POLD1: variants seen among roughly 807,000 people sequenced by gnomAD.
POLD1 encodes DNA polymerase delta 1, catalytic subunit.
A neutral mutation model predicts 129.7 loss-of-function variants in POLD1; 79 were observed. That is an observed-to-expected ratio of 0.61 (90% CI 0.51 to 0.73). The LOEUF (loss-of-function observed/expected upper bound fraction) is 0.73. Among genes scored for constraint, POLD1 ranks in the 30% least tolerant of loss-of-function variants. The pLI is 0.00. For missense variants in POLD1, 1,338 were observed against 1,595.8 expected, an observed-to-expected ratio of 0.84 and a Z score of 2.75; for synonymous variants, 714 against 683.3, an observed-to-expected ratio of 1.04 and a Z score of -0.70.
chr19:50,410,510 T>G (rs1163761923), intron 17 of POLD1, among the ~76,000 whole-genome samples: 1 of 152,052 alleles, frequency 6.6e-6, no homozygotes, highest in Non-Finnish European at 1.5e-5. Context: ...ACCACTTAGG[T>G]TCAGTGATTC....
In POLD1 at chr19:50,402,460, G is replaced by T. The variant is rs1477983424; in HGVS notation, c.765G>T (p.Met255Ile). ...EANVDFEIRFMVDTDIVGCNW... is the reference protein window; with the variant it reads ...EANVDFEIRFIVDTDIVGCNW... ...GACCCCCAGCCCCCTCCAGGTTCAT[G>T]GTGGACACGGACATCGTCGGCTGCA... is the stretch of plus-strand genomic sequence containing the variant. The change falls in exon 7 of 27, where the codon ATG becomes ATT. Residue 255 changes from methionine to isoleucine, a missense_variant. Physicochemically the swap from Met to Ile is conservative, Grantham distance 10. Transcript: ENST00000440232. 1.9e-6 allele frequency: 3 copies of T among 1,612,788 alleles called. No homozygotes were observed. The African/African-American group carries it at 4.0e-5, about 22-fold the overall frequency.
chr19:50,417,199 C>T lies in POLD1; in HGVS notation c.3148C>T (p.Arg1050Cys), dbSNP rs780749621. The change falls in exon 26 of 27, where the codon CGC becomes TGC. Residue 1050 changes from arginine to cysteine, a missense_variant. Physicochemically the swap from Arg to Cys is radical, Grantham distance 180. Around this residue, in one of 3 missense-constraint regions of POLD1, gnomAD observed 286 missense variants for 277.5 expected, o/e 1.03. Coordinates refer to ENST00000440232, the MANE Select transcript of POLD1 (RefSeq NM_002691.4). ...ATCCCATCTGAATGCCCTGGAGGAG[C>T]GCTTCTCGCGCCTCTGGACGCAGTG... ...EVSHLNALEE[R>C]FSRLWTQCQR... The T allele has an allele frequency of 5.6e-6, 9 of 1,606,422 alleles. No homozygotes were observed. The highest frequency in any genetic ancestry group is 1.7e-4 in the Middle Eastern group (1 of 6,022).
intron 19 of POLD1, 63 bp downstream of exon 19, chr19:50,413,942 G>A (rs1014029024): frequency 5.4e-6 from 8 of 1,469,452 alleles, no homozygotes; most frequent in Middle Eastern, 1.9e-4. Flanking sequence ...AGGGTGTCCC[G>A]TTCTTTGGGT....
rs532523142 is a variant in POLD1 at position 50,401,854 on chromosome 19, C to G, written c.393C>G (p.Thr131=). The G allele has an allele frequency of 6.2e-7, 1 of 1,613,968 alleles. No individual in the cohort carries two copies. Among genetic ancestry groups the G allele is most frequent in the Non-Finnish European group, 8.5e-7 (1 of 1,179,938 alleles). Residue 131 remains threonine, a synonymous_variant, in exon 4 of 27, where the codon ACC becomes ACG. Transcript: ENST00000440232. ...SVPVLRAFGV[T]DEGFSVCCHI... The stretch of plus-strand genomic sequence containing the variant: ...CTGTGCTCCGCGCCTTCGGGGTCAC[C>G]GATGAGGGGTTCTCTGTCTGCTGCC...
rs937864303 is a variant in POLD1 at position 50,399,193 on chromosome 19, C to T, written c.202+140C>T. The T allele has an allele frequency of 1.6e-5, 22 of 1,341,792 alleles. No homozygotes were observed. In the South Asian group the frequency reaches 1.6e-4, roughly 10 times the overall value. 83.1% of individuals were successfully genotyped at this position (1,341,792 alleles called of 1,614,324 possible). On this transcript the variant is annotated intron_variant, in intron 2 of 26. Coordinates refer to ENST00000440232, the MANE Select transcript of POLD1 (RefSeq NM_002691.4). ...CCTACAAAGGACTGCCCTTCCACCC[C>T]GTGCAGCCTGTGTGGCCTACAGTGA...
Position 50,402,312 on chromosome 19 carries a change from G to A in POLD1, c.697G>A (p.Val233Met), listed in dbSNP as rs2122245686. The change falls in exon 6 of 27, where the codon GTG becomes ATG. Residue 233 changes from valine (V) to methionine (M), a missense_variant. By Grantham distance (21) the Val-to-Met change is conservative. Transcript: ENST00000440232. Reference sequence around the variant, plus strand: ...CCGTCTCCTGGAACAGGGCATCCGTGTGGCAGGCCTGGGCACGCCCAGCTT... The same window carrying A: ...CCGTCTCCTGGAACAGGGCATCCGTATGGCAGGCCTGGGCACGCCCAGCTT... The part of the protein sequence containing the change: ...ARRLLEQGIR[V>M]AGLGTPSFAP... The A allele has an allele frequency of 1.2e-6, 2 of 1,611,120 alleles. No individual in the cohort carries two copies. The highest frequency in any genetic ancestry group is 1.7e-6 in the Non-Finnish European group (2 of 1,178,016).
chr19:50,407,725 ATT>A (rs571759517), intron 14 of POLD1, among the ~76,000 whole-genome samples: 9 of 95,328 alleles, frequency 9.4e-5, no homozygotes, highest in Non-Finnish European at 1.4e-4. Context: ...CGCCTGGCTA[ATT>A]TTTTTTTTTT....
intron 1 of POLD1, among the ~76,000 whole-genome samples, chr19:50,390,419 T>C (rs1285181670): frequency 1.3e-5 from 2 of 152,072 alleles, no homozygotes; most frequent in Non-Finnish European, 2.9e-5. Context: ...TTGGGTTTTA[T>C]ATTCTGGAGG....
Position 50,409,474 on chromosome 19 carries a change from T to G in POLD1, c.2007-45T>G, listed in dbSNP as rs1336217487. The G allele has an allele frequency of 6.2e-7, 1 of 1,612,774 alleles. No homozygotes were observed. Among genetic ancestry groups the G allele is most frequent in the Non-Finnish European group, 8.5e-7 (1 of 1,179,636 alleles). ...ACTTCCAGAAAGGAGCCCTGACCAATGCCCAGGTGCCGCCTGAGTGTGCTT... is the reference window on the plus strand; with the variant it reads ...ACTTCCAGAAAGGAGCCCTGACCAAGGCCCAGGTGCCGCCTGAGTGTGCTT... On this transcript the variant is annotated intron_variant, in intron 16 of 26. Transcript: ENST00000440232. The surrounding 1 kb of genome is among the most constrained non-coding windows in gnomAD (Gnocchi z 5.8).
intron 1 of POLD1, among the ~76,000 whole-genome samples, chr19:50,388,429 A>G (rs566503813): frequency 1.3e-5 from 2 of 152,358 alleles, no homozygotes; most frequent in East Asian, 3.9e-4. Context: ...AAAAGCAAAT[A>G]GATTTATACA....
rs369332787 is a variant in POLD1, at chr19:50,406,445, C to T, written c.1422C>T (p.Leu474=). The change falls in exon 12 of 27, where the codon CTC becomes CTT. Residue 474 remains leucine, a synonymous_variant. Transcript: ENST00000440232. The surrounding 1 kb of genome is among the most constrained non-coding windows in gnomAD (Gnocchi z 5.5). ...LREYKLRSYT[L]NAVSFHFLGE... ...AGTACAAGCTCCGCTCCTACACGCT[C>T]AATGCCGTGAGCTTCCACTTCCTGG... 3 of 1,599,900 alleles carry T rather than the reference C, an allele frequency of 1.9e-6. No homozygotes were observed. Among genetic ancestry groups the T allele is most frequent in the East Asian group, 2.3e-5 (1 of 44,184 alleles).
In POLD1 at chr19:50,409,116, A is replaced by T. The variant is rs963949260; in HGVS notation, c.1893-6A>T. ...CCGGCAGTCACCCCAACATCTTCCA[A>T]CCCAGCCTGACTGAGGATCAGTTCA... On this transcript the variant is annotated splice_region_variant and splice_polypyrimidine_tract_variant and intron_variant, in intron 15 of 26. Coordinates refer to ENST00000440232, the MANE Select transcript of POLD1 (RefSeq NM_002691.4). The surrounding 1 kb of genome is among the most constrained non-coding windows in gnomAD (Gnocchi z 5.8). 6.2e-7 allele frequency: 1 copy of T among 1,600,782 alleles called. No homozygotes were observed. The highest frequency in any genetic ancestry group is 1.3e-5 in the African/African-American group (1 of 74,784).
chr19:50,415,703 C>T (rs1197392330), intron 21 of POLD1, 21 bp from the exon 22 acceptor site: 19 of 1,528,598 alleles, frequency 1.2e-5, no homozygotes, highest in East Asian at 4.9e-5. Context: ...CTCACCCACC[C>T]GCCACCCCAT....
chr19:50,398,793 G>A (rs1209316186), intron 1 of POLD1, 58 bp from the exon 2 acceptor site: 177 of 1,568,450 alleles, frequency 1.1e-4, no homozygotes, highest in Non-Finnish European at 1.5e-4. Flanking sequence ...ATGCCATGGA[G>A]ACAGGGTAAG....
At chr19:50,402,418 G>A (rs2122248189) in intron 6 of POLD1, 36 bp from the exon 7 acceptor site, 1 of 1,613,164 alleles carries the variant, frequency 6.2e-7, no homozygotes, top group South Asian at 1.1e-5. Context: ...CCCACCCTCG[G>A]GCAGCCCCTG....
At chr19:50,417,671 T>TCCCCCCCCCCCCCCCC (rs3840923) in intron 26 of POLD1, among the ~76,000 whole-genome samples, 171 bp from the exon 27 acceptor site, 43 of 110,500 alleles carry the variant, frequency 3.9e-4, no homozygotes, top group African/African-American at 5.6e-4. Flanking sequence ...TGTTATCGGC[T>TCCCCCCCCCCCCCCCC]CCCCCCCCCC....
Position 50,417,843 on chromosome 19 carries a change from C to T in POLD1, c.3220C>T (p.Arg1074Trp), listed in dbSNP as rs778190445. 7 of 1,597,266 alleles carry T rather than the reference C, an allele frequency of 4.4e-6. No individual in the cohort carries two copies. Among genetic ancestry groups the T allele is most frequent in the South Asian group, 1.1e-5 (1 of 88,700 alleles). ...SLHEDVICTSRDCPIFYMRKK... is the reference protein window; with the variant it reads ...SLHEDVICTSWDCPIFYMRKK... The stretch of plus-strand genomic sequence containing the variant: ...CCCTGCCCCTGCCCCCACCCGCAGC[C>T]GGGACTGCCCCATCTTCTACATGCG... Residue 1074 changes from arginine (R) to tryptophan (W), a missense_variant and splice_region_variant, in exon 27 of 27, where the codon CGG becomes TGG. Transcript: ENST00000440232.
At position 50,401,944 on chromosome 19, in the gene POLD1, C is replaced by G. The variant is rs1346154488; in HGVS notation, c.463+20C>G. ...CCCCTGGTGAGTGGCCCCTACCCAG[C>G]CCCTCCCTGAGCCACTGGAGCCCCC... On this transcript the variant is annotated intron_variant, in intron 4 of 26. Transcript: ENST00000440232. 6.2e-7 allele frequency: 1 copy of G among 1,613,916 alleles called. No homozygotes were observed. The highest frequency in any genetic ancestry group is 8.5e-7 in the Non-Finnish European group (1 of 1,179,938).
At chr19:50,398,635 C>T (rs980923115) in intron 1 of POLD1, among the ~76,000 whole-genome samples, 6 of 146,538 alleles carry the variant, frequency 4.1e-5, no homozygotes, top group Admixed American at 1.4e-4. Context: ...GAGAGAGGGT[C>T]GGGGAGTCGA....
Sources: allele counts gnomAD v4.1 joint callset (sites outside exome capture counted in the v4.1 genomes callset), GRCh38; gene constraint gnomAD v4.1.1; regional missense constraint gnomAD v4.1.1; non-coding constraint Gnocchi (gnomAD v3.1); transcripts MANE v1.5; gene names NCBI Gene and HGNC (gene_info 2026-07-23, HGNC 2026-07-21).